The following CD226 variants were observed in gnomAD, a reference collection of about 807,000 sequenced individuals.
CD226 encodes CD226 molecule.
A neutral mutation model predicts 34.9 loss-of-function variants in CD226; 24 were observed. That is an observed-to-expected ratio of 0.69 (90% confidence interval 0.50 to 0.97). The LOEUF (loss-of-function observed/expected upper bound fraction) is 0.97. CD226 is among the 50% of genes least tolerant of loss of function. The pLI, the probability that CD226 is intolerant of heterozygous loss-of-function variation, is 0.00. For synonymous variants in CD226, 148 were observed against 147.4 expected, an observed-to-expected ratio of 1.00 and a Z score of -0.03; for missense variants, 397 against 412.7, an observed-to-expected ratio of 0.96 and a Z score of 0.33.
intron 2 of CD226, among the ~76,000 whole-genome samples, chr18:69,945,523 G>T (rs988705906): frequency 2.0e-5 from 3 of 152,174 alleles, no homozygotes; most frequent in African/African-American, 7.2e-5. Flanking sequence ...AATTTATGAA[G>T]AAAGTGTCCT....
intron 3 of CD226, among the ~76,000 whole-genome samples, chr18:69,878,358 A>G (rs954401993): frequency 3.9e-5 from 6 of 152,160 alleles, no homozygotes; most frequent in African/African-American, 1.4e-4. Flanking sequence ...TAAAAGAATA[A>G]TTTACTCCAG....
At chr18:69,888,781 A>T (rs956312429) in intron 3 of CD226, among the ~76,000 whole-genome samples, 2 of 152,180 alleles carry the variant, frequency 1.3e-5, no homozygotes, top group East Asian at 3.9e-4. Flanking sequence ...TATGTACATG[A>T]GGTAGCAATG....
At chr18:69,905,567 A>C (rs2055242705) in intron 2 of CD226, among the ~76,000 whole-genome samples, 1 of 152,172 alleles carries the variant, frequency 6.6e-6, no homozygotes, top group Admixed American at 6.5e-5. Context: ...GATTGGTGGG[A>C]GACTCATGCA....
intron 3 of CD226, among the ~76,000 whole-genome samples, chr18:69,881,538 T>C (rs1263738320): frequency 1.3e-5 from 2 of 152,208 alleles, no homozygotes; most frequent in Non-Finnish European, 2.9e-5. Context: ...GAGATTTAAA[T>C]CAAGCATGCA....
intron 2 of CD226, among the ~76,000 whole-genome samples, chr18:69,913,361 C>G (rs2055349181): frequency 6.6e-6 from 1 of 152,162 alleles, no homozygotes; most frequent in Admixed American, 6.6e-5. Context: ...GTTATTGTCA[C>G]AGAGCACAGA....
intron 2 of CD226, among the ~76,000 whole-genome samples, chr18:69,923,511 T>C (rs1396099239): frequency 6.6e-6 from 1 of 152,176 alleles, no homozygotes; most frequent in Non-Finnish European, 1.5e-5. Flanking sequence ...TCACCTTCTC[T>C]ATCTGAGAAC....
chr18:69,870,070 G>A (rs905663375), intron 4 of CD226, among the ~76,000 whole-genome samples: 1 of 151,728 alleles, frequency 6.6e-6, no homozygotes, highest in African/African-American at 2.4e-5. Flanking sequence ...CCAAAGTGCT[G>A]GGATTACAGG....
At chr18:69,921,017 G>A (rs1043695673) in intron 2 of CD226, among the ~76,000 whole-genome samples, 3 of 152,130 alleles carry the variant, frequency 2.0e-5, no homozygotes, top group African/African-American at 7.2e-5. Context: ...TGCCGTCACA[G>A]GACGCAATTG....
intron 2 of CD226, among the ~76,000 whole-genome samples, chr18:69,900,544 A>G (rs2055163479): frequency 6.6e-6 from 1 of 151,524 alleles, no homozygotes; most frequent in South Asian, 2.1e-4. Context: ...CATCCTGGCT[A>G]ACAAGGTGAA....
chr18:69,871,768 T>G (rs1240668970), intron 4 of CD226, among the ~76,000 whole-genome samples: 1 of 152,202 alleles, frequency 6.6e-6, no homozygotes, highest in African/African-American at 2.4e-5. Flanking sequence ...GTAGAAAGTA[T>G]GAATAAAAAT....
intron 1 of CD226, among the ~76,000 whole-genome samples, chr18:69,953,246 C>T (rs974855929): frequency 2.0e-5 from 3 of 152,146 alleles, no homozygotes; most frequent in Non-Finnish European, 4.4e-5. Context: ...TATACTCAAA[C>T]CAATATTTGT....
chr18:69,889,325 G>C (rs1051793603), intron 3 of CD226, among the ~76,000 whole-genome samples: 1 of 152,046 alleles, frequency 6.6e-6, no homozygotes, highest in African/African-American at 2.4e-5. Context: ...TTCCATGTAG[G>C]TAAAGATAAT....
In CD226 at chr18:69,895,742, C is replaced by T; in HGVS notation, c.686G>A (p.Gly229Glu). 6.2e-7 allele frequency: 1 copy of T among 1,614,138 alleles called. No homozygotes were observed. Among genetic ancestry groups the T allele is most frequent in the Non-Finnish European group, 8.5e-7 (1 of 1,180,008 alleles). ...LYRCYLQASA[G>E]ENETFVMRLT... ...TCTCATCACGAAGGTTTCGTTTTCT[C>T]CTGCGCTGGCCTGCAAGTAGCAGCG... The change falls in exon 3 of 6, where the codon GGA (glycine) becomes GAA (glutamate). Residue 229 changes from glycine (G) to glutamate (E), a missense_variant. By Grantham distance (98) the Gly-to-Glu change is moderately conservative. Coordinates refer to ENST00000582621, the MANE Select transcript of CD226 (RefSeq NM_001303618.2).
chr18:69,879,693 G>C (rs1042008686), intron 3 of CD226, among the ~76,000 whole-genome samples: 1 of 152,210 alleles, frequency 6.6e-6, no homozygotes, highest in South Asian at 2.1e-4. Flanking sequence ...AAGATGACGG[G>C]ATTAAGAGAT....
chr18:69,921,533 C>T (rs1053298316), intron 2 of CD226, among the ~76,000 whole-genome samples: 2 of 152,176 alleles, frequency 1.3e-5, no homozygotes, highest in African/African-American at 2.4e-5. Context: ...CATCTTTTAA[C>T]CTTCCTACCC....
chr18:69,854,210 C>G lies in CD226; in HGVS notation c.*10104G>C, dbSNP rs1982550533. 1 of 152,154 alleles carries G rather than the reference C, an allele frequency of 6.6e-6. No homozygotes were observed. The highest frequency in any genetic ancestry group is 1.5e-5 in the Non-Finnish European group (1 of 68,052). 9.4% of individuals were successfully genotyped at this position (152,154 alleles called of 1,614,324 possible). Reference sequence around the variant, plus strand: ...TTTCTTATTAGACCTATTAGAGAACCAAGGTCCTGAGCAAACTGCCACCCC... The same window carrying G: ...TTTCTTATTAGACCTATTAGAGAACGAAGGTCCTGAGCAAACTGCCACCCC... On this transcript the variant is annotated 3_prime_UTR_variant, in exon 6 of 6. Transcript: ENST00000582621.
chr18:69,951,316 C>A (rs965544840), upstream of CD226, among the ~76,000 whole-genome samples: 1 of 152,076 alleles, frequency 6.6e-6, no homozygotes, highest in Non-Finnish European at 1.5e-5. Flanking sequence ...GAGAAGCCAA[C>A]TATGGCCTGA....
chr18:69,924,980 C>T (rs2055503881), intron 2 of CD226, among the ~76,000 whole-genome samples: 1 of 152,152 alleles, frequency 6.6e-6, no homozygotes, highest in Admixed American at 6.5e-5. Flanking sequence ...TTAGAGAATT[C>T]CTGAATTTTC....
chr18:69,902,575 T>A (rs1383792637), intron 2 of CD226, among the ~76,000 whole-genome samples: 1 of 150,724 alleles, frequency 6.6e-6, no homozygotes, highest in Non-Finnish European at 1.5e-5. Context: ...TAAAAAAAAA[T>A]GTGTGTTGTG....
Sources: allele counts gnomAD v4.1 joint callset (sites outside exome capture counted in the v4.1 genomes callset), GRCh38; gene constraint gnomAD v4.1.1; transcripts MANE v1.5; gene names NCBI Gene and HGNC (gene_info 2026-07-23, HGNC 2026-07-21).